IFFO2: variants seen among roughly 807,000 people sequenced by gnomAD.
The protein encoded by IFFO2 is intermediate filament family orphan 2.
A neutral mutation model predicts 53.5 loss-of-function variants in IFFO2; 19 were observed. The observed-to-expected ratio is 0.36, with a 90% CI of 0.25 to 0.52. The LOEUF (loss-of-function observed/expected upper bound fraction) is 0.52, where lower values mean the gene tolerates loss of function less well. IFFO2 is among the 20% of genes least tolerant of loss of function. The pLI, the probability that IFFO2 is intolerant of heterozygous loss-of-function variation, is 0.94. For synonymous variants in IFFO2, 303 were observed against 313.6 expected (o/e 0.97, Z 0.36); for missense variants, 570 against 727.4 (o/e 0.78, Z 2.49).
At position 18,911,383 on chromosome 1, in the gene IFFO2, C is replaced by T; in HGVS notation, c.1317+1G>A. The T allele has an allele frequency of 6.7e-7, 1 of 1,500,064 alleles. No individual in the cohort carries two copies. Among genetic ancestry groups the T allele is most frequent in the Non-Finnish European group, 8.9e-7 (1 of 1,120,018 alleles). The allele number at this position is 1,500,064 out of a possible 1,614,324, so 92.9% of individuals were successfully genotyped here. ...GTGGGCTCCACGTCCCGAGCCCTCACCTCGATCTGACCTATCGTTTCCTGG... is the reference window on the plus strand; with the variant it reads ...GTGGGCTCCACGTCCCGAGCCCTCATCTCGATCTGACCTATCGTTTCCTGG... On this transcript the variant is annotated splice_donor_variant, in intron 7 of 8. Transcript: ENST00000455833. LOFTEE classifies it high-confidence loss of function.
chr1:18,911,732 T>G (rs1936043551), intron 6 of IFFO2, among the ~76,000 whole-genome samples: 1 of 152,032 alleles, frequency 6.6e-6, no homozygotes, highest in Non-Finnish European at 1.5e-5. Context: ...AGAGATGAGA[T>G]TTCGCCATAT....
rs1936187055 is a variant in IFFO2 at position 18,919,547 on chromosome 1, C to A, written c.822+131G>T. The A allele has an allele frequency of 2.1e-5, 14 of 678,092 alleles. No individual in the cohort carries two copies. The highest frequency in any genetic ancestry group is 3.5e-5 in the Non-Finnish European group (13 of 376,388). The allele number at this position is 678,092 out of a possible 1,614,324, so 42.0% of individuals were successfully genotyped here. A position where few individuals can be genotyped will look rare whatever the true frequency, so the allele number is the denominator to read the frequency against. Reference sequence around the variant, plus strand: ...CCGATGCATCCAATGCATCCGTCATCCTCATGGTCAAACACAGCCAGCCAG... The same window carrying A: ...CCGATGCATCCAATGCATCCGTCATACTCATGGTCAAACACAGCCAGCCAG... On this transcript the variant is annotated intron_variant, in intron 3 of 8. Coordinates refer to ENST00000455833, the MANE Select transcript of IFFO2 (RefSeq NM_001136265.2). This position sits in a 1 kb window ranked among gnomAD's most constrained non-coding sequence, Gnocchi z 4.9.
intron 1 of IFFO2, among the ~76,000 whole-genome samples, chr1:18,955,046 G>A (rs964741807): frequency 5.9e-5 from 9 of 152,180 alleles, no homozygotes; most frequent in African/African-American, 2.2e-4. Flanking sequence ...GGAGCAAGAC[G>A]GCAGACACTG....
intron 1 of IFFO2, among the ~76,000 whole-genome samples, chr1:18,946,511 T>C (rs1936590374): frequency 6.7e-6 from 1 of 149,628 alleles, no homozygotes; most frequent in Admixed American, 6.8e-5. Context: ...GCCCTCCAAG[T>C]TCAAGCCATT....
At chr1:18,925,006 C>G (rs540284417) in intron 1 of IFFO2, among the ~76,000 whole-genome samples, 1 of 152,192 alleles carries the variant, frequency 6.6e-6, no homozygotes, top group South Asian at 2.1e-4. Context: ...ACGGCTGACA[C>G]GGCCTGAATC....
intron 1 of IFFO2, among the ~76,000 whole-genome samples, chr1:18,946,706 C>T (rs531848695): frequency 2.8e-4 from 43 of 151,398 alleles, no homozygotes; most frequent in Non-Finnish European, 4.7e-4. Context: ...CATGAGCTAC[C>T]GCACCGGGCC....
rs916276224 is a variant in IFFO2 at position 18,919,226 on chromosome 1, G to A, written c.822+452C>T. Among the ~76,000 whole-genome samples, 1 of 152,158 alleles carries A rather than the reference G, an allele frequency of 6.6e-6. No individual in the cohort carries two copies. The highest frequency in any genetic ancestry group is 1.5e-5 in the Non-Finnish European group (1 of 68,032). ...GCCCCAGATTGTCAAAAAGACACGC[G>A]CACTGGCCTTTCCTGACCTCATGGA... On this transcript the variant is annotated intron_variant, in intron 3 of 8. Coordinates refer to ENST00000455833, the MANE Select transcript of IFFO2 (RefSeq NM_001136265.2). This position sits in a 1 kb window ranked among gnomAD's most constrained non-coding sequence, Gnocchi z 4.9.
In IFFO2 at chr1:18,912,061, C is replaced by A; in HGVS notation, c.1126G>T (p.Asp376Tyr). Residue 376 changes from aspartate (D) to tyrosine (Y), a missense_variant, in exon 6 of 9, where the codon GAC (aspartate) becomes TAC (tyrosine). Coordinates refer to ENST00000455833, the MANE Select transcript of IFFO2 (RefSeq NM_001136265.2). ...TCCCACGTCAGGCTGTCACAGTCGT[C>A]GTCAAAGTCAAAGGTCTCCCGCCTG... Reference protein sequence around the residue: ...NQLRETFDFDDDCDSLTWEEN... With the variant: ...NQLRETFDFDYDCDSLTWEEN... The A allele has an allele frequency of 6.4e-7, 1 of 1,551,652 alleles. No individual in the cohort carries two copies. Among genetic ancestry groups the A allele is most frequent in the Non-Finnish European group, 8.7e-7 (1 of 1,146,944 alleles).
intron 1 of IFFO2, among the ~76,000 whole-genome samples, chr1:18,933,831 C>T (rs187613275): frequency 1.7e-4 from 26 of 152,184 alleles, no homozygotes; most frequent in African/African-American, 5.5e-4. Flanking sequence ...GCATTAAGTG[C>T]ATTCACACTG....
intron 1 of IFFO2, among the ~76,000 whole-genome samples, chr1:18,953,542 G>C (rs558211425): frequency 6.6e-6 from 1 of 152,062 alleles, no homozygotes; most frequent in African/African-American, 2.4e-5. Flanking sequence ...AGAAAGCCTG[G>C]GGTTTCAAGG....
At chr1:18,924,780 T>C (rs1936258966) in intron 1 of IFFO2, among the ~76,000 whole-genome samples, 1 of 152,200 alleles carries the variant, frequency 6.6e-6, no homozygotes, top group Non-Finnish European at 1.5e-5. Flanking sequence ...TTCTGTTGGC[T>C]GGGGAGGGGT....
At position 18,947,610 on chromosome 1, in the gene IFFO2, C is replaced by T. The variant is rs1936606982; in HGVS notation, c.665+8058G>A. Among the ~76,000 whole-genome samples the T allele has an allele frequency of 6.6e-6, 1 of 152,108 alleles. No homozygotes were observed. Among genetic ancestry groups the T allele is most frequent in the African/African-American group, 2.4e-5 (1 of 41,400 alleles). ...TTTAAATGAGACCGCGTGGAAATCA[C>T]CAGACGGGTCATAATATGTGTTCCC... On this transcript the variant is annotated intron_variant, in intron 1 of 8. Transcript: ENST00000455833. The surrounding 1 kb of genome is among the most constrained non-coding windows in gnomAD (Gnocchi z 5.0).
intron 1 of IFFO2, among the ~76,000 whole-genome samples, chr1:18,922,645 C>T (rs985105206): frequency 6.6e-6 from 1 of 152,080 alleles, no homozygotes; most frequent in African/African-American, 2.4e-5. Flanking sequence ...TGCGTGGGCT[C>T]CCGGGCCCGG....
chr1:18,920,824 G>T (rs970845248), intron 2 of IFFO2, among the ~76,000 whole-genome samples: 3 of 152,212 alleles, frequency 2.0e-5, no homozygotes, highest in African/African-American at 7.2e-5. Context: ...CTGGACCCAG[G>T]CTTCTCAACC....
intron 1 of IFFO2, among the ~76,000 whole-genome samples, chr1:18,951,939 A>C (rs2148193361): frequency 6.6e-6 from 1 of 152,236 alleles, no homozygotes; most frequent in Admixed American, 6.5e-5. Context: ...TAAAGTAGAG[A>C]GCAAGCTGAG....
rs1232416889 is a variant in IFFO2, at chr1:18,917,221, G to T, written c.964-179C>A. On this transcript the variant is annotated intron_variant, in intron 4 of 8. Coordinates refer to ENST00000455833, the MANE Select transcript of IFFO2 (RefSeq NM_001136265.2). The surrounding 1 kb of genome is among the most constrained non-coding windows in gnomAD (Gnocchi z 5.9). ...CGGCGTTAGCAGGAAGCGCGAGGTGGGAGACATGCAGGGGGACACAGACGG... is the reference window on the plus strand; with the variant it reads ...CGGCGTTAGCAGGAAGCGCGAGGTGTGAGACATGCAGGGGGACACAGACGG... Among the ~76,000 whole-genome samples, 1 of 152,204 alleles carries T rather than the reference G, an allele frequency of 6.6e-6. No homozygotes were observed. Among genetic ancestry groups the T allele is most frequent in the Non-Finnish European group, 1.5e-5 (1 of 68,040 alleles).
At chr1:18,946,218 G>A (rs146699210) in intron 1 of IFFO2, among the ~76,000 whole-genome samples, 4 of 152,174 alleles carry the variant, frequency 2.6e-5, no homozygotes, top group Admixed American at 1.3e-4. Context: ...AGTGCTCCAC[G>A]GGTATCATTT....
In IFFO2 at chr1:18,955,595, C is replaced by G. The variant is rs559507860; in HGVS notation, c.665+73G>C. The G allele has an allele frequency of 4.6e-4, 685 of 1,486,922 alleles. 2 individuals carry two copies. The African/African-American group carries it at 8.5e-3, about 19-fold the overall frequency. The allele number at this position is 1,486,922 out of a possible 1,614,324, so 92.1% of individuals were successfully genotyped here. ...CCAGCTGCCCGCCCGGCCCCCGTCC[C>G]GCATACGCATTCCGCGGCAGCCTGG... On this transcript the variant is annotated intron_variant, in intron 1 of 8. Transcript: ENST00000455833.
In IFFO2 at chr1:18,928,931, G is replaced by T. The variant is rs561812336; in HGVS notation, c.666-7810C>A. ...CGGAGTTATCCTGGGTGCCATCAGG[G>T]CTCTGACAGCCTGCACTCAACAGCA... On this transcript the variant is annotated intron_variant, in intron 1 of 8. Transcript: ENST00000455833. The surrounding 1 kb of genome is among the most constrained non-coding windows in gnomAD (Gnocchi z 4.9). 1.3e-5 allele frequency among the ~76,000 whole-genome samples: 2 copies of T among 152,320 alleles called. No homozygotes were observed. The highest frequency in any genetic ancestry group is 4.8e-5 in the African/African-American group (2 of 41,576).
Sources: allele counts gnomAD v4.1 joint callset (sites outside exome capture counted in the v4.1 genomes callset), GRCh38; gene constraint gnomAD v4.1.1; non-coding constraint Gnocchi (gnomAD v3.1); transcripts MANE v1.5; gene names NCBI Gene and HGNC (gene_info 2026-07-23, HGNC 2026-07-21).